Variants in HEATR4 observed in about 807,000 individuals in gnomAD.
HEATR4 encodes HEAT repeat-containing protein 4.
HEATR4 carries 95 observed loss-of-function variants against 108.8 expected under a neutral mutation model. The observed-to-expected ratio is 0.87, with a 90% confidence interval of 0.74 to 1.04. HEATR4 has a LOEUF of 1.04. Ranked by LOEUF, HEATR4 falls within the 50% of genes least tolerant of loss-of-function variation. The probability of loss-of-function intolerance (pLI) is 0.00; values close to 1 mark genes in which losing one functional copy is unlikely to be tolerated. For missense variants in HEATR4, 1,152 were observed against 1,253.8 expected (o/e 0.92, Z 1.23); for synonymous variants, 443 against 459.4 (o/e 0.96, Z 0.46).
chr14:73,482,726 G>A (rs981170486), intron 17 of HEATR4, among the ~76,000 whole-genome samples: 2 of 152,058 alleles, frequency 1.3e-5, no homozygotes, highest in South Asian at 2.1e-4. Flanking sequence ...GTGCAATCTC[G>A]GCTCACCATA....
upstream of HEATR4, among the ~76,000 whole-genome samples, chr14:73,562,264 T>C (rs1889541119): frequency 6.6e-6 from 1 of 152,050 alleles, no homozygotes; most frequent in East Asian, 1.9e-4. Flanking sequence ...GAAGATTTCA[T>C]CTTAATATGG....
At chr14:73,593,502 T>G in the HEATR4 span, among the ~76,000 whole-genome samples, 1 of 149,622 alleles carries the variant, frequency 6.7e-6, no homozygotes, top group Non-Finnish European at 1.5e-5. Context: ...CCACACTGAC[T>G]AATTAAAAAA....
chr14:73,626,926 G>A, the HEATR4 span, among the ~76,000 whole-genome samples: 1 of 150,278 alleles, frequency 6.7e-6, no homozygotes, highest in African/African-American at 2.5e-5. Context: ...TAGGTAGCTG[G>A]GATTACAGGT....
the HEATR4 span, among the ~76,000 whole-genome samples, chr14:73,613,372 GC>G: frequency 6.6e-6 from 1 of 152,102 alleles, no homozygotes; most frequent in Non-Finnish European, 1.5e-5. Flanking sequence ...TTTATTGAGA[GC>G]CACTATGTGC....
chr14:73,486,095 G>A lies in HEATR4; in HGVS notation c.2844+6971C>T, dbSNP rs1320341850. Reference sequence around the variant, plus strand: ...TATCAAAATTTTGTATTGATGAATTGTCATCTAAAAGTTTTTACCAGGGTT... The same window carrying A: ...TATCAAAATTTTGTATTGATGAATTATCATCTAAAAGTTTTTACCAGGGTT... On this transcript the variant is annotated intron_variant, in intron 17 of 17. Coordinates refer to ENST00000553558, the MANE Select transcript of HEATR4 (RefSeq NM_001220484.1). Among the ~76,000 whole-genome samples the A allele has an allele frequency of 6.6e-5, 10 of 152,110 alleles. No homozygotes were observed. The East Asian group carries it at 1.9e-3, about 29-fold the overall frequency.
chr14:73,515,068 CA>C (rs57176723), intron 5 of HEATR4, among the ~76,000 whole-genome samples: 32,315 of 110,506 alleles, frequency 0.29, 3,977 homozygotes, highest in African/African-American at 0.38. Context: ...ACTCCGTTCT[CA>C]AAAAAAAAAA....
intron 17 of HEATR4, chr14:73,491,765 A>G: frequency 6.4e-7 from 1 of 1,566,942 alleles, no homozygotes; most frequent in African/African-American, 1.4e-5. Context: ...CCTGGATTCG[A>G]TGCTGCGCAA....
At chr14:73,616,774 C>T in the HEATR4 span, 4 of 438,082 alleles carry the variant, frequency 9.1e-6, no homozygotes, top group African/African-American at 4.0e-5. Context: ...CAGTGATGAA[C>T]GCTGAGATTT....
chr14:73,558,814 C>T lies in HEATR4; in HGVS notation c.-215G>A, dbSNP rs1889452094. 6.6e-6 allele frequency: 1 copy of T among 151,176 alleles called. No individual in the cohort carries two copies. The highest frequency in any genetic ancestry group is 2.1e-4 in the South Asian group (1 of 4,752). 9.4% of individuals were successfully genotyped at this position (151,176 alleles called of 1,614,324 possible). The stretch of plus-strand genomic sequence containing the variant: ...AGGTTGCCCCTCATCTTCCAGCTGA[C>T]ACCATCCAGCACCTTTCAGATACTG... On this transcript the variant is annotated 5_prime_UTR_variant, in exon 1 of 18. Transcript: ENST00000553558.
At chr14:73,616,735 G>A in the HEATR4 span, 3 of 324,336 alleles carry the variant, frequency 9.2e-6, no homozygotes, top group Admixed American at 9.7e-5. Context: ...TGGTGTACAG[G>A]TGGTTTGGGG....
the HEATR4 span, among the ~76,000 whole-genome samples, chr14:73,575,891 C>G: frequency 3.9e-5 from 6 of 152,160 alleles, no homozygotes; most frequent in African/African-American, 1.4e-4. Flanking sequence ...GTGGCTCACA[C>G]CTGTAATGCC....
chr14:73,497,156 A>G (rs1018341422), intron 14 of HEATR4, among the ~76,000 whole-genome samples: 1 of 152,112 alleles, frequency 6.6e-6, no homozygotes, highest in Non-Finnish European at 1.5e-5. Context: ...TTGGCCTCCC[A>G]AAGTGTTGGG....
At chr14:73,615,873 C>A in the HEATR4 span, among the ~76,000 whole-genome samples, 1 of 152,052 alleles carries the variant, frequency 6.6e-6, no homozygotes, top group East Asian at 1.9e-4. Flanking sequence ...TGAGACTAGC[C>A]CAGGCAGCAT....
chr14:73,522,453 G>A lies in HEATR4; in HGVS notation c.700C>T (p.Gln234Ter). Reference sequence around the variant, plus strand: ...TCGTACTGCTGGCGCAGGAAGCTCTGCCACTTGTTGGGGGATGCCCCAGGC... The same window carrying A: ...TCGTACTGCTGGCGCAGGAAGCTCTACCACTTGTTGGGGGATGCCCCAGGC... ...RRPGASPNKWQSFLRQQYDWS... is the reference protein window; with the variant it reads ...RRPGASPNKW Residue 234 changes from glutamine to a stop codon, truncating the protein, a stop_gained, in exon 3 of 18, where the codon CAG becomes TAG. Transcript: ENST00000553558. LOFTEE classifies it high-confidence loss of function. 1 of 1,614,222 alleles carries A rather than the reference G, an allele frequency of 6.2e-7. No individual in the cohort carries two copies. Among genetic ancestry groups the A allele is most frequent in the East Asian group, 2.2e-5 (1 of 44,884 alleles).
At chr14:73,630,717 A>G in the HEATR4 span, among the ~76,000 whole-genome samples, 1 of 152,228 alleles carries the variant, frequency 6.6e-6, no homozygotes, top group Non-Finnish European at 1.5e-5. Flanking sequence ...AGGGAAAATT[A>G]CAGTAATATT....
chr14:73,625,691 A>G, the HEATR4 span, among the ~76,000 whole-genome samples: 1 of 152,108 alleles, frequency 6.6e-6, no homozygotes, highest in Admixed American at 6.6e-5. Flanking sequence ...TGTTACGGTG[A>G]TCTTTGATGT....
chr14:73,602,401 C>T, the HEATR4 span, among the ~76,000 whole-genome samples: 6 of 152,150 alleles, frequency 3.9e-5, no homozygotes, highest in South Asian at 6.2e-4. Context: ...TTCCTGGTGC[C>T]GAGCTCCTTG....
chr14:73,480,689 C>A lies in HEATR4; in HGVS notation c.2845-1847G>T, dbSNP rs549844490. Among the ~76,000 whole-genome samples, 27 of 152,254 alleles carry A rather than the reference C, an allele frequency of 1.8e-4. 1 individual carries two copies. In the South Asian group the frequency reaches 5.6e-3, roughly 32 times the overall value. ...GTCTTTCAAGAAGTGAATGAACAAA[C>A]TGGTGCACCTACACAATGGAAGAGT... On this transcript the variant is annotated intron_variant, in intron 17 of 17. Transcript: ENST00000553558.
upstream of HEATR4, among the ~76,000 whole-genome samples, chr14:73,559,183 G>A (rs61987134): frequency 6.6e-6 from 1 of 151,826 alleles, no homozygotes; most frequent in Non-Finnish European, 1.5e-5. Context: ...GCCTAGGCTG[G>A]AGTGCAGTGG....
Sources: gnomAD v4.1 joint callset for allele counts (sites outside exome capture counted in the v4.1 genomes callset) on GRCh38, gnomAD v4.1.1 for gene constraint, MANE v1.5 for transcripts, NCBI Gene and HGNC (gene_info 2026-07-23, HGNC 2026-07-21) for gene names.